SPI1: variants seen among roughly 807,000 people sequenced by gnomAD.
SPI1 encodes transcription factor PU.1.
In SPI1, 3 loss-of-function variants were observed where a neutral mutation model predicts 30.7. That is an observed-to-expected ratio of 0.10 (90% CI 0.04 to 0.25). SPI1 has a LOEUF of 0.25. Among genes scored for constraint, SPI1 ranks in the 10% least tolerant of loss-of-function variants. SPI1 has a pLI of 1.00. For synonymous variants in SPI1, 169 were observed against 157.1 expected, an observed-to-expected ratio of 1.08 and a Z score of -0.56; for missense variants, 261 against 371.5, an observed-to-expected ratio of 0.70 and a Z score of 2.45.
Position 47,355,125 on chromosome 11 carries a change from G to A in SPI1, c.*102C>T. On this transcript the variant is annotated 3_prime_UTR_variant, in exon 5 of 5. Coordinates refer to ENST00000378538, the MANE Select transcript of SPI1 (RefSeq NM_003120.3). ...GCGAGGCCCGGCCCGCCACAGTCCTGCCTCTGGGCCCCGGGAGCGTCCTCC... is the reference window on the plus strand; with the variant it reads ...GCGAGGCCCGGCCCGCCACAGTCCTACCTCTGGGCCCCGGGAGCGTCCTCC... The A allele has an allele frequency of 1.0e-6, 1 of 966,196 alleles. No individual in the cohort carries two copies. Among genetic ancestry groups the A allele is most frequent in the East Asian group, 3.8e-5 (1 of 26,384 alleles). 59.9% of individuals were successfully genotyped at this position (966,196 alleles called of 1,614,324 possible).
intron 2 of SPI1, among the ~76,000 whole-genome samples, chr11:47,364,271 C>T (rs1595859550): frequency 6.6e-6 from 1 of 152,036 alleles, no homozygotes; most frequent in Non-Finnish European, 1.5e-5. Context: ...AGGATGGTCG[C>T]GATCTCCTGA....
In SPI1 at chr11:47,358,491, C is replaced by T; in HGVS notation, c.493+353G>A. ...TCAGCCACACCAGCTCTCACATTCA[C>T]CTTCTCACACACCCACTCACACAGC... is the stretch of plus-strand genomic sequence containing the variant. On this transcript the variant is annotated intron_variant, in intron 4 of 4. Transcript: ENST00000378538. 9.2e-6 allele frequency: 6 copies of T among 654,062 alleles called. No individual in the cohort carries two copies. In the South Asian group the frequency reaches 1.0e-4, roughly 11 times the overall value. 40.5% of individuals were successfully genotyped at this position (654,062 alleles called of 1,614,324 possible). A position where few individuals can be genotyped will look rare whatever the true frequency, so the allele number is the denominator to read the frequency against.
At chr11:47,357,945 CCTG>C (rs546055676) in intron 4 of SPI1, among the ~76,000 whole-genome samples, 93 of 152,068 alleles carry the variant, frequency 6.1e-4, no homozygotes, top group African/African-American at 1.6e-3. Flanking sequence ...CACATGCACA[CCTG>C]CTCACACACG....
At chr11:47,378,115 A>C (rs2142901325) in intron 1 of SPI1, among the ~76,000 whole-genome samples, 194 bp downstream of exon 1, 1 of 152,356 alleles carries the variant, frequency 6.6e-6, no homozygotes, top group Admixed American at 6.5e-5. Context: ...GCCTGGCCTC[A>C]GCCCGCCAGG....
intron 2 of SPI1, among the ~76,000 whole-genome samples, chr11:47,371,667 T>A (rs1431631725): frequency 2.2e-5 from 3 of 138,510 alleles, no homozygotes; most frequent in African/African-American, 2.7e-5. Flanking sequence ...AACTCCGTCT[T>A]AAAAAAAAAA....
At chr11:47,368,844 T>A (rs1003885166) in intron 2 of SPI1, among the ~76,000 whole-genome samples, 2 of 152,144 alleles carry the variant, frequency 1.3e-5, no homozygotes, top group African/African-American at 2.4e-5. Context: ...TGGATGGTGA[T>A]GATAACGTGA....
chr11:47,356,697 A>G (rs898160427), intron 4 of SPI1, among the ~76,000 whole-genome samples: 6 of 151,796 alleles, frequency 4.0e-5, no homozygotes, highest in Non-Finnish European at 7.4e-5. Context: ...TCACCCTTGC[A>G]CACACATGCC....
rs1319729104 is a variant in SPI1 at position 47,359,542 on chromosome 11, G to C, written c.330+311C>G. ...GTGACTTGGTGTGGGATCCATGAGG[G>C]CTAGTGAATGGGGGTGGCAGACAGT... On this transcript the variant is annotated intron_variant, in intron 3 of 4. Coordinates refer to ENST00000378538, the MANE Select transcript of SPI1 (RefSeq NM_003120.3). The surrounding 1 kb of genome is among the most constrained non-coding windows in gnomAD (Gnocchi z 5.1). Among the ~76,000 whole-genome samples the C allele has an allele frequency of 6.6e-6, 1 of 152,058 alleles. No individual in the cohort carries two copies. Among genetic ancestry groups the C allele is most frequent in the Non-Finnish European group, 1.5e-5 (1 of 68,000 alleles).
chr11:47,355,188 A>G lies in SPI1; in HGVS notation c.*39T>C. ...CGGGCGAGGGCTTAATGCTATGGCC[A>G]GCGGGGAGGCCTGGCGGGGCCCGGC... On this transcript the variant is annotated 3_prime_UTR_variant, in exon 5 of 5. Transcript: ENST00000378538. 3 of 1,302,380 alleles carry G rather than the reference A, an allele frequency of 2.3e-6. No homozygotes were observed. Among genetic ancestry groups the G allele is most frequent in the Non-Finnish European group, 2.9e-6 (3 of 1,028,098 alleles). 80.7% of individuals were successfully genotyped at this position (1,302,380 alleles called of 1,614,324 possible). A position where few individuals can be genotyped will look rare whatever the true frequency, so the allele number is the denominator to read the frequency against.
chr11:47,356,837 G>A (rs1235173967), intron 4 of SPI1, among the ~76,000 whole-genome samples: 1 of 141,448 alleles, frequency 7.1e-6, no homozygotes, highest in Non-Finnish European at 1.5e-5. Flanking sequence ...ACGTTACTCA[G>A]CCCCACACGC....
At chr11:47,371,682 AG>A (rs1464263752) in intron 2 of SPI1, among the ~76,000 whole-genome samples, 1 of 151,182 alleles carries the variant, frequency 6.6e-6, no homozygotes, top group Non-Finnish European at 1.5e-5. Flanking sequence ...AAAAAAAAAA[AG>A]ATTGTAAATG....
In SPI1 at chr11:47,374,516, G is replaced by A. The variant is rs1403574329; in HGVS notation, c.142+1117C>T. Among the ~76,000 whole-genome samples the A allele has an allele frequency of 2.0e-5, 3 of 152,178 alleles. No homozygotes were observed. The highest frequency in any genetic ancestry group is 4.4e-5 in the Non-Finnish European group (3 of 68,028). On this transcript the variant is annotated intron_variant, in intron 2 of 4. Transcript: ENST00000378538. This position sits in a 1 kb window ranked among gnomAD's most constrained non-coding sequence, Gnocchi z 4.5. ...GGTTTAGACCGCCACAGGTGCATCT[G>A]CAGAATGGAGCTACAGGCATGACTG...
Position 47,374,079 on chromosome 11 carries a change from C to A in SPI1, c.142+1554G>T, listed in dbSNP as rs1382000076. On this transcript the variant is annotated intron_variant, in intron 2 of 4. Transcript: ENST00000378538. This position sits in a 1 kb window ranked among gnomAD's most constrained non-coding sequence, Gnocchi z 4.5. ...GGCCTGACAGCACTGTCTGTGGTGA[C>A]CCGAGCCACCAGGGGGCGCCTGTCC... is the stretch of plus-strand genomic sequence containing the variant. Among the ~76,000 whole-genome samples the A allele has an allele frequency of 6.6e-6, 1 of 152,172 alleles. No individual in the cohort carries two copies. Among genetic ancestry groups the A allele is most frequent in the Non-Finnish European group, 1.5e-5 (1 of 68,024 alleles).
At chr11:47,365,270 C>G (rs926758325) in intron 2 of SPI1, among the ~76,000 whole-genome samples, 1 of 152,092 alleles carries the variant, frequency 6.6e-6, no homozygotes, top group Non-Finnish European at 1.5e-5. Flanking sequence ...CTCAGCTCCT[C>G]GAAAGAATAT....
chr11:47,358,872 G>A lies in SPI1; in HGVS notation c.465C>T (p.Pro155=), dbSNP rs1309529671. Residue 155 remains proline (P), a synonymous_variant, in exon 4 of 5, where the codon CCC becomes CCT. Coordinates refer to ENST00000378538, the MANE Select transcript of SPI1 (RefSeq NM_003120.3). ...VSDGEADGLE[P]GPGLLPGETG... is the part of the protein sequence containing the mutation. ...TCTCCCCAGGCAGGAGCCCAGGCCC[G>A]GGCTCCAGGCCATCCGCCTCGCCGT... The A allele has an allele frequency of 2.1e-5, 33 of 1,552,430 alleles. No homozygotes were observed. Among genetic ancestry groups the A allele is most frequent in the East Asian group, 9.5e-5 (4 of 41,916 alleles).
Position 47,355,220 on chromosome 11 carries a change from T to A in SPI1, c.*7A>T, listed in dbSNP as rs1389416005. On this transcript the variant is annotated 3_prime_UTR_variant, in exon 5 of 5. Coordinates refer to ENST00000378538, the MANE Select transcript of SPI1 (RefSeq NM_003120.3). Reference sequence around the variant, plus strand: ...AGGCCTGGCGGGGCCCGGCGGGGGCTGCGGGCTCAGTGGGGCGGGTGGCGC... The same window carrying A: ...AGGCCTGGCGGGGCCCGGCGGGGGCAGCGGGCTCAGTGGGGCGGGTGGCGC... 1.5e-6 allele frequency: 2 copies of A among 1,361,986 alleles called. No individual in the cohort carries two copies. Among genetic ancestry groups the A allele is most frequent in the African/African-American group, 3.1e-5 (2 of 64,920 alleles). The allele number at this position is 1,361,986 out of a possible 1,614,324, so 84.4% of individuals were successfully genotyped here.
At chr11:47,361,721 G>T (rs1041987931) in intron 2 of SPI1, among the ~76,000 whole-genome samples, 15 of 152,120 alleles carry the variant, frequency 9.9e-5, no homozygotes, top group African/African-American at 3.1e-4. Flanking sequence ...ACACATGTCT[G>T]CCTGCATCTC....
chr11:47,357,418 C>T (rs1317510187), intron 4 of SPI1, among the ~76,000 whole-genome samples: 4 of 152,114 alleles, frequency 2.6e-5, no homozygotes, highest in Admixed American at 6.5e-5. Context: ...TGCATATCCA[C>T]TTGCATGCTT....
intron 4 of SPI1, chr11:47,358,381 A>T (rs1179041679): frequency 1.6e-6 from 1 of 610,942 alleles, no homozygotes; most frequent in Non-Finnish European, 3.0e-6. Flanking sequence ...GCTGACACCC[A>T]CTGACATCAT....
Sources: gnomAD v4.1 joint callset for allele counts (sites outside exome capture counted in the v4.1 genomes callset) on GRCh38, gnomAD v4.1.1 for gene constraint, Gnocchi (gnomAD v3.1) non-coding constraint, MANE v1.5 for transcripts, NCBI Gene and HGNC (gene_info 2026-07-23, HGNC 2026-07-21) for gene names.